FSAF1: variants seen among roughly 807,000 people sequenced by gnomAD.
FSAF1 encodes the protein uncharacterized protein C1orf131.
the FSAF1 span, chr1:231,225,886 C>A: frequency 4.6e-6 from 1 of 217,412 alleles, no homozygotes; most frequent in Non-Finnish European, 9.2e-6. Context: ...TAGTCTTACA[C>A]TGAAAGCTCA....
At chr1:231,240,487 T>TC in the FSAF1 span, among the ~76,000 whole-genome samples, 8 of 151,542 alleles carry the variant, frequency 5.3e-5, no homozygotes, top group Admixed American at 5.3e-4. This position sits in a 1 kb window ranked among gnomAD's most constrained non-coding sequence, Gnocchi z 4.1. Context: ...ATTTTCCTTT[T>TC]CCCCCATCAA....
the FSAF1 span, chr1:231,236,820 C>G: frequency 1.3e-5 from 2 of 152,146 alleles, no homozygotes; most frequent in East Asian, 3.9e-4. Context: ...GTAGGGTACA[C>G]TGGGGTACTG....
the FSAF1 span, chr1:231,238,296 A>T: frequency 6.6e-6 from 1 of 152,288 alleles, no homozygotes; most frequent in Non-Finnish European, 1.5e-5. Context: ...AGAAAAATCA[A>T]ATTGCTTTTC....
chr1:231,224,221 C>T, the FSAF1 span: 9 of 1,559,638 alleles, frequency 5.8e-6, no homozygotes, highest in Non-Finnish European at 7.8e-6. Context: ...CGCACAGGGT[C>T]CAGGGCCGCT....
At chr1:231,238,955 G>A in the FSAF1 span, 2 of 1,614,118 alleles carry the variant, frequency 1.2e-6, no homozygotes, top group South Asian at 1.1e-5. Context: ...AGGGAAGAGG[G>A]AGGAACTGCA....
At chr1:231,241,094 C>A in the FSAF1 span, 2 of 1,614,022 alleles carry the variant, frequency 1.2e-6, no homozygotes, top group East Asian at 2.2e-5. Context: ...AGGACCCCGG[C>A]CCTTGCTCCT....
the FSAF1 span, among the ~76,000 whole-genome samples, chr1:231,232,332 G>A: frequency 6.6e-6 from 1 of 152,162 alleles, no homozygotes; most frequent in Non-Finnish European, 1.5e-5. Flanking sequence ...GAATGCCTAG[G>A]TGGCTTTCCC....
chr1:231,230,818 A>AG, the FSAF1 span, among the ~76,000 whole-genome samples: 1 of 152,188 alleles, frequency 6.6e-6, no homozygotes. Flanking sequence ...CTTAATTCAC[A>AG]GGGGGGTTAT....
the FSAF1 span, chr1:231,229,147 T>C: frequency 1.3e-6 from 2 of 1,538,688 alleles, no homozygotes; most frequent in Non-Finnish European, 1.8e-6. Flanking sequence ...TCAAAGTACA[T>C]ACTTTTTCTA....
At chr1:231,227,163 T>C in the FSAF1 span, 38 of 1,306,706 alleles carry the variant, frequency 2.9e-5, 1 homozygote, top group Admixed American at 5.4e-4. Context: ...GATCCACCGC[T>C]CTGTAATGAC....
chr1:231,236,818 C>T, the FSAF1 span: 2 of 152,168 alleles, frequency 1.3e-5, no homozygotes, highest in African/African-American at 2.4e-5. Flanking sequence ...TTGTAGGGTA[C>T]ACTGGGGTAC....
At chr1:231,239,032 T>C in the FSAF1 span, 42 of 1,613,928 alleles carry the variant, frequency 2.6e-5, no homozygotes, top group Non-Finnish European at 5.9e-6. Context: ...TCTAAGTTCC[T>C]TGAAGAAGCT....
chr1:231,241,087 A>G, the FSAF1 span: 4 of 1,613,780 alleles, frequency 2.5e-6, no homozygotes, highest in African/African-American at 2.7e-5. Context: ...GGCGTGGAGG[A>G]CCCCGGCCCT....
the FSAF1 span, chr1:231,225,665 C>G: frequency 9.2e-6 from 7 of 761,836 alleles, no homozygotes; most frequent in Admixed American, 2.2e-5. Context: ...ATAACAGTCT[C>G]AAAGTTTTAC....
the FSAF1 span, chr1:231,226,440 C>A: frequency 2.2e-6 from 1 of 452,358 alleles, no homozygotes; most frequent in Non-Finnish European, 4.0e-6. Flanking sequence ...GTCTGCAGAA[C>A]CATGCTCCAA....
At chr1:231,228,817 T>A in the FSAF1 span, among the ~76,000 whole-genome samples, 4 of 151,958 alleles carry the variant, frequency 2.6e-5, no homozygotes, top group African/African-American at 9.7e-5. Context: ...GGAAACCCCA[T>A]CTCTACTAAA....
the FSAF1 span, among the ~76,000 whole-genome samples, chr1:231,232,366 G>A: frequency 2.6e-5 from 4 of 152,114 alleles, no homozygotes; most frequent in Non-Finnish European, 4.4e-5. Flanking sequence ...ACGAGCAGAG[G>A]GGGTGTGTGC....
the FSAF1 span, chr1:231,237,517 G>A: frequency 6.6e-6 from 1 of 152,202 alleles, no homozygotes; most frequent in Non-Finnish European, 1.5e-5. Context: ...TGAGACTCAG[G>A]GACACAGGGA....
At chr1:231,237,355 GC>G in the FSAF1 span, 1 of 152,214 alleles carries the variant, frequency 6.6e-6, no homozygotes, top group Non-Finnish European at 1.5e-5. Context: ...TAGAATTGTG[GC>G]CTCTAAAAAC....
Sources: allele counts gnomAD v4.1 joint callset (sites outside exome capture counted in the v4.1 genomes callset), GRCh38; gene constraint gnomAD v4.1.1; non-coding constraint Gnocchi (gnomAD v3.1); transcripts MANE v1.5; gene names NCBI Gene and HGNC (gene_info 2026-07-23, HGNC 2026-07-21).